The following TMEM132C variants were observed in gnomAD, a reference collection of about 807,000 sequenced individuals.
The protein encoded by TMEM132C is protein phosphatase 1, regulatory subunit 152.
Under a neutral mutation model 61.4 loss-of-function variants are expected in TMEM132C, and 29 were observed. That is an observed-to-expected ratio of 0.47 (90% confidence interval 0.35 to 0.64). The LOEUF is 0.64. Ranked by LOEUF, TMEM132C falls within the 30% of genes least tolerant of loss-of-function variation. The pLI is 0.00. For missense variants in TMEM132C, 1,408 were observed against 1,476.9 expected (o/e 0.95, Z 0.76); for synonymous variants, 656 against 633.1 (o/e 1.04, Z -0.54).
chr12:128,641,045 C>T (rs1194647989), intron 4 of TMEM132C, among the ~76,000 whole-genome samples: 2 of 152,158 alleles, frequency 1.3e-5, no homozygotes, highest in African/African-American at 4.8e-5. Flanking sequence ...AAGAGAAAAA[C>T]ACAGGAGGTT....
intron 1 of TMEM132C, among the ~76,000 whole-genome samples, chr12:128,393,672 C>T (rs966648169): frequency 1.3e-5 from 2 of 151,894 alleles, no homozygotes; most frequent in Non-Finnish European, 2.9e-5. Context: ...CATGATGCTT[C>T]GAGGTGCCAA....
At position 128,531,052 on chromosome 12, in the gene TMEM132C, T is replaced by C. The variant is rs78914525; in HGVS notation, c.975-12905T>C. ...GAAGGAGAGGAATGGAAAGGTGGAA[T>C]TGGGAGTTCTTGGGAGCAAACTTAC... On this transcript the variant is annotated intron_variant, in intron 2 of 8. Transcript: ENST00000435159. Among the ~76,000 whole-genome samples the C allele has an allele frequency of 9.4e-3, 1,434 of 152,242 alleles. 27 individuals carry two copies. The highest frequency in any genetic ancestry group is 0.031 in the African/African-American group (1,286 of 41,542).
At chr12:128,567,429 GACACACACAC>G (rs140541188) in intron 3 of TMEM132C, among the ~76,000 whole-genome samples, 8,852 of 136,284 alleles carry the variant, frequency 0.065, 290 homozygotes, top group Middle Eastern at 0.15. Context: ...CATACCCATA[GACACACACAC>G]ACACACACAC....
At chr12:128,447,776 G>C (rs1870038437) in intron 2 of TMEM132C, among the ~76,000 whole-genome samples, 1 of 89,598 alleles carries the variant, frequency 1.1e-5, no homozygotes, top group South Asian at 3.0e-4. Flanking sequence ...CCGGACTGCG[G>C]ACTGCAGTGG....
At chr12:128,351,881 C>G (rs181356739) in intron 1 of TMEM132C, among the ~76,000 whole-genome samples, 4 of 152,172 alleles carry the variant, frequency 2.6e-5, no homozygotes, top group Non-Finnish European at 4.4e-5. Context: ...CGATGTCATA[C>G]GTGTACATGT....
intron 1 of TMEM132C, among the ~76,000 whole-genome samples, chr12:128,412,584 G>T (rs1469406331): frequency 6.6e-6 from 1 of 152,106 alleles, no homozygotes; most frequent in African/African-American, 2.4e-5. Flanking sequence ...AGATCTGATG[G>T]TTTTGTAAAT....
chr12:128,487,523 C>A (rs1026760809), intron 2 of TMEM132C, among the ~76,000 whole-genome samples: 1 of 151,452 alleles, frequency 6.6e-6, no homozygotes, highest in Non-Finnish European at 1.5e-5. Context: ...CATATATACA[C>A]AAGCACACAC....
At chr12:128,601,080 T>C (rs1876169242) in intron 3 of TMEM132C, among the ~76,000 whole-genome samples, 1 of 152,264 alleles carries the variant, frequency 6.6e-6, no homozygotes, top group African/African-American at 2.4e-5. Flanking sequence ...TCGTCTGTGA[T>C]ATTTTGAAAA....
chr12:128,268,301 G>T (rs1266432050), intron 1 of TMEM132C, among the ~76,000 whole-genome samples: 1 of 152,214 alleles, frequency 6.6e-6, no homozygotes, highest in Non-Finnish European at 1.5e-5. Flanking sequence ...AAAGGTAGCC[G>T]TGTGGTTTTT....
At position 128,409,367 on chromosome 12, in the gene TMEM132C, G is replaced by A. The variant is rs75066537; in HGVS notation, c.86-5365G>A. On this transcript the variant is annotated intron_variant, in intron 1 of 8. Transcript: ENST00000435159. ...TCAGCAACTTAGCCAGCTGAATCTTGTAAATCAGGAATCTCAAACTCAAAA... is the reference window on the plus strand; with the variant it reads ...TCAGCAACTTAGCCAGCTGAATCTTATAAATCAGGAATCTCAAACTCAAAA... Among the ~76,000 whole-genome samples, 1,474 of 152,226 alleles carry A rather than the reference G, an allele frequency of 9.7e-3. 29 individuals carry two copies. The highest frequency in any genetic ancestry group is 0.031 in the African/African-American group (1,283 of 41,536).
Position 128,415,650 on chromosome 12 carries a change from T to C in TMEM132C, c.974+30T>C, listed in dbSNP as rs758348234. 2.0e-6 allele frequency: 3 copies of C among 1,486,672 alleles called. No homozygotes were observed. The highest frequency in any genetic ancestry group is 2.7e-6 in the Non-Finnish European group (3 of 1,112,128). 92.1% of individuals were successfully genotyped at this position (1,486,672 alleles called of 1,614,324 possible). A position where few individuals can be genotyped will look rare whatever the true frequency, so the allele number is the denominator to read the frequency against. ...GTGCCCATGCTTGCCCCTGATCATC[T>C]TTGGCATGCCTGGTGTGAGACTGGG... On this transcript the variant is annotated intron_variant, in intron 2 of 8. Coordinates refer to ENST00000435159, the MANE Select transcript of TMEM132C (RefSeq NM_001136103.3). The surrounding 1 kb of genome is among the most constrained non-coding windows in gnomAD (Gnocchi z 5.8).
At chr12:128,656,904 A>G (rs1489784046) in intron 4 of TMEM132C, among the ~76,000 whole-genome samples, 1 of 152,134 alleles carries the variant, frequency 6.6e-6, no homozygotes, top group East Asian at 1.9e-4. Context: ...CTCCAGATCT[A>G]ATCAGTTTAT....
At chr12:128,621,510 G>C (rs1953963180) in intron 4 of TMEM132C, among the ~76,000 whole-genome samples, 1 of 152,238 alleles carries the variant, frequency 6.6e-6, no homozygotes. Context: ...CCAAGCCTAG[G>C]AGAGAGGCAA....
At chr12:128,666,838 A>G (rs938402095) in intron 4 of TMEM132C, among the ~76,000 whole-genome samples, 3 of 152,254 alleles carry the variant, frequency 2.0e-5, no homozygotes, top group Admixed American at 6.5e-5. Flanking sequence ...TATATGTCCG[A>G]GGCAGGTGGA....
At position 128,385,398 on chromosome 12, in the gene TMEM132C, A is replaced by T. The variant is rs373815616; in HGVS notation, c.86-29334A>T. Among the ~76,000 whole-genome samples the T allele has an allele frequency of 7.0e-3, 478 of 68,196 alleles. 3 individuals carry two copies. Among genetic ancestry groups the T allele is most frequent in the South Asian group, 0.02 (35 of 1,738 alleles). The allele number at this position is 68,196 out of a possible 152,430, so 44.7% of individuals were successfully genotyped here. ...ATCATTGCAAAGATTCGAGACATAA[A>T]CGCCGAGTCCTCGCACAGAGCCTGA... On this transcript the variant is annotated intron_variant, in intron 1 of 8. Transcript: ENST00000435159.
At chr12:128,468,239 AG>A (rs1479169027) in intron 2 of TMEM132C, among the ~76,000 whole-genome samples, 1 of 152,048 alleles carries the variant, frequency 6.6e-6, no homozygotes, top group African/African-American at 2.4e-5. Flanking sequence ...AGTCCTAGTG[AG>A]GGGTGTGCAG....
intron 2 of TMEM132C, among the ~76,000 whole-genome samples, chr12:128,476,017 G>C (rs2136086179): frequency 6.6e-6 from 1 of 152,268 alleles, no homozygotes; most frequent in East Asian, 1.9e-4. Flanking sequence ...ACTTTGTCCA[G>C]ACATTAAATC....
At chr12:128,367,854 T>C (rs1775163847) in intron 1 of TMEM132C, among the ~76,000 whole-genome samples, 1 of 152,252 alleles carries the variant, frequency 6.6e-6, no homozygotes, top group South Asian at 2.1e-4. Context: ...CTTCTGCTTC[T>C]GTTTTCCTCT....
At chr12:128,336,065 A>G (rs1872785257) in intron 1 of TMEM132C, among the ~76,000 whole-genome samples, 1 of 152,310 alleles carries the variant, frequency 6.6e-6, no homozygotes, top group Non-Finnish European at 1.5e-5. Flanking sequence ...ATTTTCCATT[A>G]TCATTTTGTG....
Sources: allele counts gnomAD v4.1 joint callset (sites outside exome capture counted in the v4.1 genomes callset), GRCh38; gene constraint gnomAD v4.1.1; non-coding constraint Gnocchi (gnomAD v3.1); transcripts MANE v1.5; gene names NCBI Gene and HGNC (gene_info 2026-07-23, HGNC 2026-07-21).